The following ARFGEF1 variants were observed in gnomAD, a reference collection of about 807,000 sequenced individuals.
The protein encoded by ARFGEF1 is ARF guanine nucleotide exchange factor 1.
ARFGEF1 carries 42 observed loss-of-function variants against 231.0 expected under a neutral mutation model. The ratio of observed to expected loss-of-function variants is 0.18; its 90% confidence interval spans 0.14 to 0.24. The LOEUF (loss-of-function observed/expected upper bound fraction) is 0.24. Ranked by LOEUF, ARFGEF1 falls within the 10% of genes least tolerant of loss-of-function variation. The probability of loss-of-function intolerance (pLI) is 1.00; values close to 1 mark genes in which losing one functional copy is unlikely to be tolerated. For synonymous variants in ARFGEF1, 710 were observed against 732.3 expected (o/e 0.97, Z 0.49); for missense variants, 1,345 against 2,192.0 (o/e 0.61, Z 7.72).
chr8:67,197,348 G>T (rs533906984), downstream of ARFGEF1, among the ~76,000 whole-genome samples: 1 of 152,090 alleles, frequency 6.6e-6, no homozygotes, highest in African/African-American at 2.4e-5. Context: ...TCACTACTGG[G>T]GAGGGTGGAG....
At chr8:67,236,037 G>A (rs1309197282) in intron 22 of ARFGEF1, among the ~76,000 whole-genome samples, 1 of 151,878 alleles carries the variant, frequency 6.6e-6, no homozygotes, top group Non-Finnish European at 1.5e-5. Flanking sequence ...GCTCACACCT[G>A]TAATCCCAGC....
intron 5 of ARFGEF1, among the ~76,000 whole-genome samples, chr8:67,181,639 G>A (rs1371292354): frequency 6.6e-6 from 1 of 152,126 alleles, no homozygotes; most frequent in Non-Finnish European, 1.5e-5. Flanking sequence ...GATGGTTTCA[G>A]TGCATTATTT....
At chr8:67,262,011 TAGAGATACTACTTAAA>T (rs535773388) in intron 14 of ARFGEF1, among the ~76,000 whole-genome samples, 15 of 152,102 alleles carry the variant, frequency 9.9e-5, no homozygotes, top group African/African-American at 3.1e-4. Flanking sequence ...AGCTGCCATG[TAGAGATACTACTTAAA>T]AGAGATACTA....
At chr8:67,210,489 AAAC>A (rs1838694552) in intron 34 of ARFGEF1, among the ~76,000 whole-genome samples, 1 of 152,000 alleles carries the variant, frequency 6.6e-6, no homozygotes, top group African/African-American at 2.4e-5. Flanking sequence ...CCAAAACCAA[AAAC>A]AACAACAAAA....
intron 19 of ARFGEF1, among the ~76,000 whole-genome samples, chr8:67,247,137 T>C (rs1256772966): frequency 6.6e-6 from 1 of 150,388 alleles, no homozygotes; most frequent in Non-Finnish European, 1.5e-5. Flanking sequence ...TGAAATCTGA[T>C]GGCTTCACTG....
chr8:67,285,364 A>G (rs1414868388), intron 7 of ARFGEF1, among the ~76,000 whole-genome samples: 8 of 152,052 alleles, frequency 5.3e-5, no homozygotes, highest in Non-Finnish European at 8.8e-5. Flanking sequence ...AAAAAATACA[A>G]AAACTAGCCG....
chr8:67,195,535 A>C (rs758328481), downstream of ARFGEF1: 17 of 1,614,214 alleles, frequency 1.1e-5, no homozygotes, highest in Non-Finnish European at 1.3e-5. Flanking sequence ...GAGCAGCAGC[A>C]GATTCCTGGA....
chr8:67,299,292 AT>A lies in ARFGEF1; in HGVS notation c.375del (p.Lys125AsnfsTer2). 1 of 1,610,836 alleles carries A rather than the reference AT, an allele frequency of 6.2e-7. No individual in the cohort carries two copies. The highest frequency in any genetic ancestry group is 8.5e-7 in the Non-Finnish European group (1 of 1,178,202). On this transcript the variant is annotated frameshift_variant, in exon 4 of 39. Transcript: ENST00000262215. LOFTEE classifies it high-confidence loss of function. Reference sequence around the variant, plus strand: ...ATTGTTTCAATAATTCTATCAATTAATTTTTTGCCTGGTGTTGTACTATCTG... The same window carrying A: ...ATTGTTTCAATAATTCTATCAATTAATTTTTGCCTGGTGTTGTACTATCTG... ...NAPDSTTPGK[K>X]LIDRIIETIC...
At chr8:67,315,975 A>G (rs556796644) in intron 1 of ARFGEF1, among the ~76,000 whole-genome samples, 2 of 152,262 alleles carry the variant, frequency 1.3e-5, no homozygotes, top group South Asian at 4.1e-4. Context: ...AATAATAAAT[A>G]CAAGAGCAGA....
chr8:67,316,712 G>A (rs1176148276), intron 1 of ARFGEF1, among the ~76,000 whole-genome samples: 3 of 151,956 alleles, frequency 2.0e-5, no homozygotes, highest in Non-Finnish European at 2.9e-5. Flanking sequence ...TGCCCTCCTC[G>A]ACCTCCCAAA....
At chr8:67,192,327 G>A (rs970609665) in intron 5 of ARFGEF1, among the ~76,000 whole-genome samples, 10 of 152,008 alleles carry the variant, frequency 6.6e-5, no homozygotes, top group Non-Finnish European at 1.0e-4. Context: ...CACCTGCCTC[G>A]GCCTCCCAGA....
intron 15 of ARFGEF1, among the ~76,000 whole-genome samples, chr8:67,258,709 T>C (rs796326371): frequency 2.0e-4 from 31 of 152,216 alleles, no homozygotes; most frequent in African/African-American, 7.2e-4. Context: ...AGACTTTTGA[T>C]TATAGAGTTA....
chr8:67,295,131 G>T (rs1370818637), intron 5 of ARFGEF1, among the ~76,000 whole-genome samples: 1 of 152,036 alleles, frequency 6.6e-6, no homozygotes, highest in Admixed American at 6.6e-5. Context: ...AATAAATTAA[G>T]GGAGGAGAAA....
chr8:67,288,597 G>A (rs1309589177), intron 6 of ARFGEF1, among the ~76,000 whole-genome samples: 1 of 152,100 alleles, frequency 6.6e-6, no homozygotes, highest in Non-Finnish European at 1.5e-5. Context: ...GCCAGGCGCG[G>A]TGGCACACGC....
chr8:67,317,578 G>A (rs1807377398), intron 1 of ARFGEF1, among the ~76,000 whole-genome samples: 1 of 150,754 alleles, frequency 6.6e-6, no homozygotes, highest in African/African-American at 2.4e-5. Flanking sequence ...TGACCCACTG[G>A]GGTTTATTCT....
chr8:67,310,357 C>T (rs1043916069), intron 1 of ARFGEF1, among the ~76,000 whole-genome samples: 1 of 152,212 alleles, frequency 6.6e-6, no homozygotes, highest in African/African-American at 2.4e-5. Context: ...CCTCAGCCTC[C>T]CGAGGTGCCA....
At chr8:67,318,140 T>C (rs1403698488) in intron 1 of ARFGEF1, among the ~76,000 whole-genome samples, 1 of 147,396 alleles carries the variant, frequency 6.8e-6, no homozygotes, top group Non-Finnish European at 1.5e-5. Flanking sequence ...GGGAGGCTGA[T>C]GCAGGAGAAT....
At chr8:67,252,665 A>G (rs993533062) in intron 18 of ARFGEF1, among the ~76,000 whole-genome samples, 8 of 152,160 alleles carry the variant, frequency 5.3e-5, no homozygotes, top group African/African-American at 1.9e-4. Flanking sequence ...TCCTGTAGTC[A>G]GATTTCAGCT....
intron 19 of ARFGEF1, among the ~76,000 whole-genome samples, chr8:67,240,825 A>C (rs993129299): frequency 2.0e-5 from 3 of 152,220 alleles, no homozygotes; most frequent in Non-Finnish European, 4.4e-5. Flanking sequence ...AAAGTAGTTA[A>C]ATAAAATACT....
Sources: gnomAD v4.1 joint callset for allele counts (sites outside exome capture counted in the v4.1 genomes callset) on GRCh38, gnomAD v4.1.1 for gene constraint, MANE v1.5 for transcripts, NCBI Gene and HGNC (gene_info 2026-07-23, HGNC 2026-07-21) for gene names.